Variants in GALNT17 observed in about 807,000 individuals in gnomAD.
GALNT17 encodes UDP-GalNAc:polypeptide N-acetylgalactosaminyltransferase-like 3.
GALNT17 carries 29 observed loss-of-function variants against 63.7 expected under a neutral mutation model. That is an observed-to-expected ratio of 0.46 (90% CI 0.34 to 0.62). The LOEUF is 0.62. Among genes scored for constraint, GALNT17 ranks in the 20% least tolerant of loss-of-function variants. The pLI is 0.01. For synonymous variants in GALNT17, 305 were observed against 318.3 expected, an observed-to-expected ratio of 0.96 and a Z score of 0.45; for missense variants, 603 against 799.6, an observed-to-expected ratio of 0.75 and a Z score of 2.97.
At chr7:71,326,558 T>C (rs767097848) in intron 1 of GALNT17, among the ~76,000 whole-genome samples, 3 of 152,250 alleles carry the variant, frequency 2.0e-5, no homozygotes. Flanking sequence ...CTGCCACTTA[T>C]ATATGTCTTA....
intron 5 of GALNT17, among the ~76,000 whole-genome samples, chr7:71,554,036 T>C (rs932991508): frequency 6.6e-5 from 10 of 152,230 alleles, no homozygotes; most frequent in Non-Finnish European, 1.3e-4. Flanking sequence ...TCTGTATTCA[T>C]AGCCGATGCC....
intron 5 of GALNT17, among the ~76,000 whole-genome samples, chr7:71,538,506 A>G (rs1243878058): frequency 6.6e-6 from 1 of 152,224 alleles, no homozygotes; most frequent in Non-Finnish European, 1.5e-5. Context: ...AGATACCATC[A>G]GTTAACCTAA....
chr7:71,669,917 A>C (rs1417284034), intron 7 of GALNT17, 55 bp from the exon 8 acceptor site: 4 of 1,603,174 alleles, frequency 2.5e-6, no homozygotes, highest in Non-Finnish European at 3.4e-6. Flanking sequence ...CCTGTGCCCC[A>C]CTCTGGCCAG....
At chr7:71,141,372 CAA>C (rs1182937935) in intron 1 of GALNT17, among the ~76,000 whole-genome samples, 1 of 127,332 alleles carries the variant, frequency 7.9e-6, no homozygotes. Context: ...AAGACTGTCT[CAA>C]AAAAAAAAAG....
intron 9 of GALNT17, among the ~76,000 whole-genome samples, chr7:71,698,123 C>CAAAAAAAAAAAA (rs10708106): frequency 2.8e-5 from 3 of 107,736 alleles, no homozygotes; most frequent in African/African-American, 6.6e-5. Flanking sequence ...GACTCTGTCT[C>CAAAAAAAAAAAA]AAAAAAAAAA....
chr7:71,339,918 T>C (rs539651798), intron 2 of GALNT17, among the ~76,000 whole-genome samples: 1 of 151,974 alleles, frequency 6.6e-6, no homozygotes, highest in South Asian at 2.1e-4. Context: ...AATGGCAACT[T>C]ACAAGGAAAA....
At chr7:71,489,338 G>A (rs1787969374) in intron 5 of GALNT17, among the ~76,000 whole-genome samples, 2 of 152,158 alleles carry the variant, frequency 1.3e-5, no homozygotes, top group Admixed American at 1.3e-4. Context: ...CTCTTATAGG[G>A]GAGGACAGAT....
At chr7:71,381,252 C>T (rs183235110) in intron 2 of GALNT17, among the ~76,000 whole-genome samples, 3 of 152,164 alleles carry the variant, frequency 2.0e-5, no homozygotes, top group Non-Finnish European at 2.9e-5. Flanking sequence ...TGAGCCACCA[C>T]GCCTGGCTTG....
chr7:71,523,893 G>C lies in GALNT17; in HGVS notation c.963-47392G>C, dbSNP rs141198813. ...CCAGCACTTTGGAAGGCCGAGGTGGGCAGATCACGAGGTCAGGAGATCGAG... is the reference window on the plus strand; with the variant it reads ...CCAGCACTTTGGAAGGCCGAGGTGGCCAGATCACGAGGTCAGGAGATCGAG... On this transcript the variant is annotated intron_variant, in intron 5 of 10. Transcript: ENST00000333538. Among the ~76,000 whole-genome samples the C allele has an allele frequency of 7.8e-3, 1,182 of 151,902 alleles. 3 individuals carry two copies. Among genetic ancestry groups the C allele is most frequent in the Middle Eastern group, 0.02 (6 of 294 alleles).
At position 71,261,019 on chromosome 7, in the gene GALNT17, G is replaced by A. The variant is rs1471011471; in HGVS notation, c.239-74531G>A. On this transcript the variant is annotated intron_variant, in intron 1 of 10. Transcript: ENST00000333538. ...TCACACCGGCTCATCCTCCTGAGTG[G>A]GCAGCTGACTTCGCAGTGCAGGGAT... Among the ~76,000 whole-genome samples the A allele has an allele frequency of 2.0e-5, 3 of 152,154 alleles. No homozygotes were observed. The South Asian group carries it at 6.2e-4, about 32-fold the overall frequency.
rs35198398 is a variant in GALNT17 at position 71,268,387 on chromosome 7, CAA to C, written c.239-67149_239-67148del. Reference sequence around the variant, plus strand: ...TGAAACCCCGTGTCTACAAAAAATACAAAAAAAAAAAAAAATTAGCCAGGTGT... The same window carrying C: ...TGAAACCCCGTGTCTACAAAAAATACAAAAAAAAAAAAATTAGCCAGGTGT... On this transcript the variant is annotated intron_variant, in intron 1 of 10. Transcript: ENST00000333538. Among the ~76,000 whole-genome samples the C allele has an allele frequency of 2.3e-3, 299 of 131,280 alleles. 5 individuals carry two copies. In the East Asian group the frequency reaches 0.023, roughly 10 times the overall value. 86.1% of individuals were successfully genotyped at this position (131,280 alleles called of 152,430 possible). A position where few individuals can be genotyped will look rare whatever the true frequency, so the allele number is the denominator to read the frequency against.
intron 1 of GALNT17, among the ~76,000 whole-genome samples, chr7:71,169,446 T>C (rs1788504827): frequency 6.6e-6 from 1 of 152,214 alleles, no homozygotes; most frequent in East Asian, 1.9e-4. Context: ...GTCTGTTACT[T>C]CAGTGGTTTC....
At chr7:71,208,351 C>T (rs191621133) in intron 1 of GALNT17, among the ~76,000 whole-genome samples, 34 of 152,162 alleles carry the variant, frequency 2.2e-4, no homozygotes, top group Admixed American at 1.2e-3. Context: ...TTACTGTAAC[C>T]AAAAGTCTCA....
intron 8 of GALNT17, among the ~76,000 whole-genome samples, chr7:71,673,247 C>T (rs1171750180): frequency 1.3e-5 from 2 of 152,112 alleles, no homozygotes; most frequent in Admixed American, 6.5e-5. Context: ...AATTGTTCAG[C>T]TCAGACATGT....
intron 5 of GALNT17, among the ~76,000 whole-genome samples, chr7:71,446,723 A>G (rs1340767182): frequency 6.6e-6 from 1 of 151,964 alleles, no homozygotes; most frequent in African/African-American, 2.4e-5. Flanking sequence ...TAATTTTTGT[A>G]TTTTTAGTAG....
chr7:71,641,170 AG>A (rs1342264403), intron 6 of GALNT17, among the ~76,000 whole-genome samples: 4 of 152,208 alleles, frequency 2.6e-5, no homozygotes, highest in African/African-American at 9.6e-5. Flanking sequence ...CTCAGGACAT[AG>A]GGGTTGGTAG....
intron 1 of GALNT17, among the ~76,000 whole-genome samples, chr7:71,294,549 G>A (rs914437558): frequency 4.0e-5 from 6 of 151,498 alleles, no homozygotes; most frequent in African/African-American, 1.2e-4. Context: ...CAAGTAGCTG[G>A]GACTACAGGT....
chr7:71,467,748 A>G (rs922878212), intron 5 of GALNT17, among the ~76,000 whole-genome samples: 3 of 151,958 alleles, frequency 2.0e-5, no homozygotes, highest in African/African-American at 7.3e-5. Flanking sequence ...TCTAGACAAC[A>G]GGGAACATGG....
chr7:71,423,429 A>T (rs895040462), intron 5 of GALNT17, among the ~76,000 whole-genome samples: 3 of 152,296 alleles, frequency 2.0e-5, no homozygotes, highest in African/African-American at 4.8e-5. Context: ...TTGAGGACCA[A>T]ACTGACTCTA....
Sources: gnomAD v4.1 joint callset for allele counts (sites outside exome capture counted in the v4.1 genomes callset) on GRCh38, gnomAD v4.1.1 for gene constraint, MANE v1.5 for transcripts, NCBI Gene and HGNC (gene_info 2026-07-23, HGNC 2026-07-21) for gene names.